The following SH3BP5 variants were observed in gnomAD, a reference collection of about 807,000 sequenced individuals.
SH3BP5 encodes the protein SH3 domain-binding protein 5.
A neutral mutation model predicts 43.3 loss-of-function variants in SH3BP5; 22 were observed. The ratio of observed to expected loss-of-function variants is 0.51; its 90% CI spans 0.36 to 0.73. SH3BP5 has a LOEUF of 0.73. Ranked by LOEUF, SH3BP5 falls within the 30% of genes least tolerant of loss-of-function variation. SH3BP5 has a pLI of 0.00. For missense variants in SH3BP5, 529 were observed against 586.9 expected, an observed-to-expected ratio of 0.90 and a Z score of 1.02; for synonymous variants, 255 against 225.8, an observed-to-expected ratio of 1.13 and a Z score of -1.16.
At chr3:15,265,888 C>T (rs1696629025) in intron 4 of SH3BP5, among the ~76,000 whole-genome samples, 1 of 152,110 alleles carries the variant, frequency 6.6e-6, no homozygotes, top group African/African-American at 2.4e-5. Flanking sequence ...ATAGCAAACA[C>T]CCGGCACCTT....
Position 15,332,320 on chromosome 3 carries a change from C to CCCTCTTCCT in SH3BP5, c.80_88dup (p.Glu27_Glu29dup), listed in dbSNP as rs752731534. On this transcript the variant is annotated inframe_insertion, in exon 1 of 9. Coordinates refer to ENST00000383791, the MANE Select transcript of SH3BP5 (RefSeq NM_004844.5). ...TTCCTCCTCCAGCCCCTGCTCCATC[C>CCCTCTTCCT]CCTCTTCCTCCTCCTCCTCCTCGTC... 4 of 1,546,824 alleles carry CCCTCTTCCT rather than the reference C, an allele frequency of 2.6e-6. No homozygotes were observed. In the African/African-American group the frequency reaches 4.1e-5, roughly 16 times the overall value.
At chr3:15,289,704 T>C (rs965158482) in intron 3 of SH3BP5, among the ~76,000 whole-genome samples, 4 of 152,210 alleles carry the variant, frequency 2.6e-5, no homozygotes, top group Admixed American at 2.6e-4. Context: ...CCTTCACCCA[T>C]ATATTTTCCT....
At chr3:15,272,546 G>C (rs541488278) in intron 3 of SH3BP5, among the ~76,000 whole-genome samples, 2 of 109,816 alleles carry the variant, frequency 1.8e-5, no homozygotes, top group African/African-American at 9.4e-5. Context: ...TTACAAAACA[G>C]AGTGCCTGTA....
At position 15,269,885 on chromosome 3, in the gene SH3BP5, A is replaced by G. The variant is rs763269896; in HGVS notation, c.331-8T>C. On this transcript the variant is annotated splice_polypyrimidine_tract_variant and splice_region_variant and intron_variant, in intron 3 of 8. Transcript: ENST00000383791. Reference sequence around the variant, plus strand: ...CTGAGCTTCCAGCTGAGCCTGTGTGAGAAAGAATCCTCATGAGGCCTCAGA... The same window carrying G: ...CTGAGCTTCCAGCTGAGCCTGTGTGGGAAAGAATCCTCATGAGGCCTCAGA... 1 of 1,522,720 alleles carries G rather than the reference A, an allele frequency of 6.6e-7. No individual in the cohort carries two copies. The highest frequency in any genetic ancestry group is 2.2e-5 in the Admixed American group (1 of 46,366). 94.3% of individuals were successfully genotyped at this position (1,522,720 alleles called of 1,614,324 possible). A position where few individuals can be genotyped will look rare whatever the true frequency, so the allele number is the denominator to read the frequency against.
At chr3:15,259,930 TAAC>T (rs1219852816) in intron 5 of SH3BP5, 127 bp from the exon 6 acceptor site, 8 of 817,572 alleles carry the variant, frequency 9.8e-6, no homozygotes, top group Admixed American at 2.0e-5. Flanking sequence ...AGTAAACTCT[TAAC>T]AAGGCCGTGA....
intron 4 of SH3BP5, among the ~76,000 whole-genome samples, chr3:15,265,156 T>G (rs558435391): frequency 1.7e-4 from 26 of 152,154 alleles, no homozygotes; most frequent in African/African-American, 6.3e-4. Flanking sequence ...GTCCCCTGCT[T>G]CGCCCCACCA....
intron 5 of SH3BP5, among the ~76,000 whole-genome samples, chr3:15,260,790 CT>C (rs1696408380): frequency 6.6e-6 from 1 of 152,100 alleles, no homozygotes; most frequent in Non-Finnish European, 1.5e-5. Context: ...GGAAGCCACT[CT>C]GTGGAATGCA....
intron 3 of SH3BP5, among the ~76,000 whole-genome samples, chr3:15,294,956 C>A (rs149566467): frequency 6.6e-6 from 1 of 152,238 alleles, no homozygotes; most frequent in Non-Finnish European, 1.5e-5. Flanking sequence ...TCTGCACTGA[C>A]CCCTCCCCTC....
chr3:15,258,791 C>G (rs373778096), intron 7 of SH3BP5, 40 bp downstream of exon 7: 4 of 1,543,550 alleles, frequency 2.6e-6, no homozygotes, highest in Admixed American at 1.7e-5. Context: ...ATCACACAGT[C>G]TGATATCTCC....
At chr3:15,274,587 G>C (rs57524363) in intron 3 of SH3BP5, among the ~76,000 whole-genome samples, 3 of 152,022 alleles carry the variant, frequency 2.0e-5, no homozygotes, top group African/African-American at 7.3e-5. Flanking sequence ...TCTGCCTCCC[G>C]GGTTCAAGTA....
At chr3:15,281,258 G>A (rs1467211610) in intron 3 of SH3BP5, among the ~76,000 whole-genome samples, 7 of 152,090 alleles carry the variant, frequency 4.6e-5, no homozygotes, top group Admixed American at 1.3e-4. Flanking sequence ...GTGAAACACG[G>A]TCCCCCAACA....
In SH3BP5 at chr3:15,332,325, TTCCTCC is replaced by T; in HGVS notation, c.78_83del (p.Glu28_Glu29del). 2 of 1,529,382 alleles carry T rather than the reference TTCCTCC, an allele frequency of 1.3e-6. No individual in the cohort carries two copies. Among genetic ancestry groups the T allele is most frequent in the Non-Finnish European group, 8.8e-7 (1 of 1,136,918 alleles). 94.7% of individuals were successfully genotyped at this position (1,529,382 alleles called of 1,614,324 possible). ...CCTCCAGCCCCTGCTCCATCCCCTC[TTCCTCC>T]TCCTCCTCCTCGTCCCGGGCAGGCG... On this transcript the variant is annotated inframe_deletion, in exon 1 of 9. Coordinates refer to ENST00000383791, the MANE Select transcript of SH3BP5 (RefSeq NM_004844.5).
chr3:15,257,002 A>G lies in SH3BP5; in HGVS notation c.1001T>C (p.Met334Thr), dbSNP rs1417674853. ...FSSGPTSPSEMPDQFPAVVRP... is the reference protein window; with the variant it reads ...FSSGPTSPSETPDQFPAVVRP... ...CACAACCGCAGGGAACTGGTCAGGC[A>G]TCTCAGACGGGCTTGTTGGTCCTGA... Residue 334 changes from methionine (M) to threonine (T), a missense_variant, in exon 8 of 9, where the codon ATG (methionine) becomes ACG (threonine). Met to Thr is a moderately conservative substitution (Grantham distance 81). This residue lies in a region of SH3BP5 where 369 missense variants were observed against 384.3 expected (regional missense o/e 0.96). Coordinates refer to ENST00000383791, the MANE Select transcript of SH3BP5 (RefSeq NM_004844.5). The G allele has an allele frequency of 3.1e-6, 5 of 1,614,116 alleles. 1 individual carries two copies. Among genetic ancestry groups the G allele is most frequent in the South Asian group, 2.2e-5 (2 of 91,090 alleles).
chr3:15,256,734 C>G, intron 8 of SH3BP5, 119 bp downstream of exon 8: 1 of 1,195,286 alleles, frequency 8.4e-7, no homozygotes, highest in Non-Finnish European at 1.2e-6. Flanking sequence ...AGCACAACCA[C>G]AGAGACCTGG....
chr3:15,266,959 C>T (rs1696663606), intron 4 of SH3BP5, among the ~76,000 whole-genome samples: 2 of 152,246 alleles, frequency 1.3e-5, no homozygotes, highest in African/African-American at 4.8e-5. Context: ...AAGCCACTGC[C>T]ATTTCTTCAA....
In SH3BP5 at chr3:15,255,263, A is replaced by AATT. The variant is rs1250973095; in HGVS notation, c.*820_*822dup. On this transcript the variant is annotated 3_prime_UTR_variant, in exon 9 of 9. Coordinates refer to ENST00000383791, the MANE Select transcript of SH3BP5 (RefSeq NM_004844.5). Reference sequence around the variant, plus strand: ...TTTTTAAAGTTACAACCTACAGAGAAATTAACATCTTGTCAATCTAATAAC... The same window carrying AATT: ...TTTTTAAAGTTACAACCTACAGAGAAATTATTAACATCTTGTCAATCTAATAAC... 3 of 152,642 alleles carry AATT rather than the reference A, an allele frequency of 2.0e-5. No individual in the cohort carries two copies. The highest frequency in any genetic ancestry group is 7.2e-5 in the African/African-American group (3 of 41,450). 9.5% of individuals were successfully genotyped at this position (152,642 alleles called of 1,614,324 possible).
chr3:15,257,089 T>C lies in SH3BP5; in HGVS notation c.914A>G (p.Asp305Gly), dbSNP rs1162557943. ...TTCAGACACAAAGTTGCTACAGCTGTCATCTTCAAAGGCCTCCGAGGCCAC... is the reference window on the plus strand; with the variant it reads ...TTCAGACACAAAGTTGCTACAGCTGCCATCTTCAAAGGCCTCCGAGGCCAC... ...ISVASEAFED[D>G]SCSNFVSEDD... Residue 305 changes from aspartate to glycine, a missense_variant, in exon 8 of 9, where the codon GAC becomes GGC. By Grantham distance (94) the Asp-to-Gly change is moderately conservative (BLOSUM62 -1). Transcript: ENST00000383791. 6.2e-7 allele frequency: 1 copy of C among 1,614,024 alleles called. No homozygotes were observed. Among genetic ancestry groups the C allele is most frequent in the African/African-American group, 1.3e-5 (1 of 74,914 alleles).
At position 15,332,282 on chromosome 3, in the gene SH3BP5, G is replaced by A. The variant is rs1698632109; in HGVS notation, c.127C>T (p.Pro43Ser). The A allele has an allele frequency of 3.9e-6, 6 of 1,549,738 alleles. No individual in the cohort carries two copies. Among genetic ancestry groups the A allele is most frequent in the Non-Finnish European group, 5.2e-6 (6 of 1,149,600 alleles). ...QGLEEEEEVD[P>S]RIQGELEKLN... ...CCCGCGCGCCCTACCTGGATCCGGG[G>A]ATCCACCTCTTCTTCCTCCTCCAGC... The change falls in exon 1 of 9, where the codon CCC (proline) becomes TCC (serine). Residue 43 changes from proline to serine, a missense_variant. By Grantham distance (74) the Pro-to-Ser change is moderately conservative (BLOSUM62 -1). Around this residue, in one of 3 missense-constraint regions of SH3BP5, gnomAD observed 75 missense variants for 61.8 expected, o/e 1.21. Transcript: ENST00000383791.
In SH3BP5 at chr3:15,313,578, C is replaced by T. The variant is rs952770201; in HGVS notation, c.202-9347G>A. On this transcript the variant is annotated intron_variant, in intron 2 of 8. Transcript: ENST00000383791. Reference sequence around the variant, plus strand: ...ATACAAATCATGCTTTCTTTTCACCCATCCAATCTATTCTCTAAGAGCACT... The same window carrying T: ...ATACAAATCATGCTTTCTTTTCACCTATCCAATCTATTCTCTAAGAGCACT... 5.3e-5 allele frequency among the ~76,000 whole-genome samples: 8 copies of T among 152,202 alleles called. No individual in the cohort carries two copies. The East Asian group carries it at 1.5e-3, about 29-fold the overall frequency.
Sources: gnomAD v4.1 joint callset for allele counts (sites outside exome capture counted in the v4.1 genomes callset) on GRCh38, gnomAD v4.1.1 for gene constraint, gnomAD v4.1.1 regional missense constraint, MANE v1.5 for transcripts, NCBI Gene and HGNC (gene_info 2026-07-23, HGNC 2026-07-21) for gene names.